Variants in NUP98 observed in about 807,000 individuals in gnomAD.
NUP98 encodes the protein nucleoporin 98 and 96 precursor.
NUP98 carries 26 observed loss-of-function variants against 191.9 expected under a neutral mutation model. The observed-to-expected ratio is 0.14, with a 90% CI of 0.10 to 0.19. NUP98 has a LOEUF of 0.19. Among genes scored for constraint, NUP98 ranks in the 10% least tolerant of loss-of-function variants. NUP98 has a pLI of 1.00. For missense variants in NUP98, 1,941 were observed against 2,178.8 expected (o/e 0.89, Z 2.17); for synonymous variants, 808 against 778.4 (o/e 1.04, Z -0.63).
intron 22 of NUP98, among the ~76,000 whole-genome samples, chr11:3,704,612 C>G (rs2078803234): frequency 6.6e-6 from 1 of 152,214 alleles, no homozygotes. Context: ...AATCCACATT[C>G]ATAAGCAAAC....
At chr11:3,773,022 A>C (rs2081583350) in intron 6 of NUP98, among the ~76,000 whole-genome samples, 1 of 152,126 alleles carries the variant, frequency 6.6e-6, no homozygotes, top group Non-Finnish European at 1.5e-5. Flanking sequence ...ACTTTTATTA[A>C]GCTGTACTTT....
chr11:3,712,578 C>A lies in NUP98; in HGVS notation c.2728G>T (p.Ala910Ser). 2 of 1,613,878 alleles carry A rather than the reference C, an allele frequency of 1.2e-6. No homozygotes were observed. The highest frequency in any genetic ancestry group is 1.1e-5 in the South Asian group (1 of 91,066). The part of the protein sequence containing the change: ...PLQMALNGKP[A>S]PPPQSQSPEV... ...TTTTTCTCTACCTGAGGTGGAGGTGCAGGTTTGCCATTAAGAGCCATCTGC... is the reference window on the plus strand; with the variant it reads ...TTTTTCTCTACCTGAGGTGGAGGTGAAGGTTTGCCATTAAGAGCCATCTGC... The change falls in exon 20 of 33, where the codon GCA becomes TCA. Residue 910 changes from alanine (A) to serine (S), a missense_variant. Around this residue, in one of 6 missense-constraint regions of NUP98, gnomAD observed 1,030 missense variants for 1,115.8 expected, o/e 0.92. Coordinates refer to ENST00000324932, the MANE Select transcript of NUP98 (RefSeq NM_016320.5).
At chr11:3,767,256 C>A (rs1288165604) in intron 8 of NUP98, among the ~76,000 whole-genome samples, 1 of 151,618 alleles carries the variant, frequency 6.6e-6, no homozygotes, top group African/African-American at 2.4e-5. Flanking sequence ...CCAGCATGCC[C>A]GGCTGATCCT....
In NUP98 at chr11:3,691,565, T is replaced by G. The variant is rs536614608; in HGVS notation, c.4312-76A>C. The G allele has an allele frequency of 3.4e-6, 5 of 1,472,534 alleles. No individual in the cohort carries two copies. The East Asian group carries it at 1.2e-4, about 35-fold the overall frequency. 91.2% of individuals were successfully genotyped at this position (1,472,534 alleles called of 1,614,324 possible). ...TAGATGCCATTATGTTTCTTCTTTT[T>G]TTTTTTGAGAGGCAGTCTCACTCTG... On this transcript the variant is annotated intron_variant, in intron 27 of 32. Transcript: ENST00000324932.
chr11:3,714,065 C>T (rs2079100992), intron 18 of NUP98, 70 bp from the exon 19 acceptor site: 4 of 1,397,798 alleles, frequency 2.9e-6, no homozygotes, highest in South Asian at 1.2e-5. Context: ...CAGAAAGCCA[C>T]CTAACACATA....
At chr11:3,785,884 A>G (rs534113699) in intron 1 of NUP98, among the ~76,000 whole-genome samples, 1 of 152,332 alleles carries the variant, frequency 6.6e-6, no homozygotes, top group African/African-American at 2.4e-5. Context: ...CTAGAGACAG[A>G]AATAAACCCA....
intron 5 of NUP98, 113 bp downstream of exon 5, chr11:3,775,769 C>G (rs1242651332): frequency 1.6e-5 from 15 of 939,342 alleles, no homozygotes; most frequent in Non-Finnish European, 2.3e-5. Context: ...TTTAACACAT[C>G]GTTCAGGCAG....
intron 1 of NUP98, among the ~76,000 whole-genome samples, chr11:3,792,381 G>A (rs1043147988): frequency 6.6e-6 from 1 of 152,038 alleles, no homozygotes; most frequent in East Asian, 1.9e-4. Flanking sequence ...AGGCCGAGAC[G>A]GGAAGATCAC....
intron 10 of NUP98, among the ~76,000 whole-genome samples, chr11:3,757,526 T>G (rs945462551): frequency 6.6e-6 from 1 of 151,434 alleles, no homozygotes; most frequent in East Asian, 2.0e-4. Flanking sequence ...ATGCCGAGCG[T>G]GGTGGTTCAC....
intron 10 of NUP98, among the ~76,000 whole-genome samples, chr11:3,759,146 C>T (rs1175513824): frequency 6.6e-6 from 1 of 152,140 alleles, no homozygotes; most frequent in African/African-American, 2.4e-5. Context: ...TACTCAACTC[C>T]TAAAAAGAAT....
intron 10 of NUP98, among the ~76,000 whole-genome samples, chr11:3,754,433 C>A (rs1482469896): frequency 6.6e-6 from 1 of 151,932 alleles, no homozygotes; most frequent in Non-Finnish European, 1.5e-5. Flanking sequence ...AAAAAAAATA[C>A]AAAATAAAAT....
chr11:3,766,709 A>AAAAAAAAG (rs1554900661), intron 8 of NUP98, among the ~76,000 whole-genome samples: 14 of 151,692 alleles, frequency 9.2e-5, no homozygotes, highest in African/African-American at 3.4e-4. Context: ...AAAAAAAAAA[A>AAAAAAAAG]AGAGAGAAGC....
intron 9 of NUP98, among the ~76,000 whole-genome samples, chr11:3,761,519 G>A (rs530764315): frequency 3.9e-5 from 6 of 152,094 alleles, no homozygotes; most frequent in African/African-American, 1.4e-4. Context: ...CAGCACTTTC[G>A]GAGTCCAAGG....
chr11:3,788,526 G>C (rs1434506616), intron 1 of NUP98, among the ~76,000 whole-genome samples: 1 of 152,066 alleles, frequency 6.6e-6, no homozygotes, highest in Non-Finnish European at 1.5e-5. Flanking sequence ...GGGAGGTGGA[G>C]GTTGCTGTGA....
chr11:3,676,947 C>T (rs1261880907), intron 31 of NUP98, among the ~76,000 whole-genome samples: 1 of 152,142 alleles, frequency 6.6e-6, no homozygotes, highest in African/African-American at 2.4e-5. Context: ...AAAGAGCACA[C>T]AAGGAAGTAA....
intron 27 of NUP98, 149 bp from the exon 28 acceptor site, chr11:3,691,638 C>G (rs2078314339): frequency 1.4e-6 from 1 of 710,732 alleles, no homozygotes; most frequent in East Asian, 2.8e-5. Context: ...ACTGCAACCT[C>G]CGCTTCCCAG....
At chr11:3,718,075 T>C (rs745495686) in intron 18 of NUP98, among the ~76,000 whole-genome samples, 2 of 152,214 alleles carry the variant, frequency 1.3e-5, no homozygotes, top group African/African-American at 2.4e-5. Flanking sequence ...AAGGTAACGC[T>C]TGCCTCATAG....
chr11:3,676,442 G>A (rs2077812979), intron 32 of NUP98, 66 bp from the exon 33 acceptor site: 1 of 1,601,368 alleles, frequency 6.2e-7, no homozygotes, highest in Non-Finnish European at 8.6e-7. Context: ...GGCACTGAGG[G>A]TGGGGTGTAA....
chr11:3,766,418 A>G (rs946601306), intron 8 of NUP98, among the ~76,000 whole-genome samples: 1 of 152,064 alleles, frequency 6.6e-6, no homozygotes, highest in African/African-American at 2.4e-5. Flanking sequence ...GGCCAGGCGC[A>G]GTGGCTCATG....
Sources: allele counts gnomAD v4.1 joint callset (sites outside exome capture counted in the v4.1 genomes callset), GRCh38; gene constraint gnomAD v4.1.1; regional missense constraint gnomAD v4.1.1; transcripts MANE v1.5; gene names NCBI Gene and HGNC (gene_info 2026-07-23, HGNC 2026-07-21).